The following MAGI2 variants were observed in gnomAD, a reference collection of about 807,000 sequenced individuals.
MAGI2 encodes membrane-associated guanylate kinase, WW and PDZ domain-containing protein 2.
In MAGI2, 35 loss-of-function variants were observed where a neutral mutation model predicts 133.3. That is an observed-to-expected ratio of 0.26 (90% CI 0.20 to 0.35). The LOEUF is 0.35. Among genes scored for constraint, MAGI2 ranks in the 10% least tolerant of loss-of-function variants. MAGI2 has a pLI of 1.00. For synonymous variants in MAGI2, 729 were observed against 710.6 expected, an observed-to-expected ratio of 1.03 and a Z score of -0.41; for missense variants, 1,636 against 1,863.4, an observed-to-expected ratio of 0.88 and a Z score of 2.25.
chr7:79,416,714 C>CTTTT (rs1434721644), intron 1 of MAGI2, among the ~76,000 whole-genome samples: 2 of 111,860 alleles, frequency 1.8e-5, no homozygotes, highest in East Asian at 6.0e-4. Context: ...TTTTTCTTTT[C>CTTTT]TTTTCTTTTT....
chr7:78,309,979 T>C (rs760019082), intron 9 of MAGI2, among the ~76,000 whole-genome samples: 18 of 152,186 alleles, frequency 1.2e-4, no homozygotes, highest in Admixed American at 2.0e-4. Flanking sequence ...GGTAGCAACA[T>C]TGGCCCTTTT....
At chr7:78,899,123 CAT>C (rs537043532) in intron 2 of MAGI2, among the ~76,000 whole-genome samples, 11 of 152,182 alleles carry the variant, frequency 7.2e-5, no homozygotes, top group South Asian at 4.1e-4. Context: ...GAAGATTTCA[CAT>C]TTAAAACAGA....
chr7:78,462,317 G>C (rs1011716687), intron 6 of MAGI2, among the ~76,000 whole-genome samples: 3 of 152,122 alleles, frequency 2.0e-5, no homozygotes, highest in Admixed American at 2.0e-4. Context: ...AGGTGGCAAA[G>C]GTGCATTCAG....
chr7:78,072,092 G>A (rs79137800), intron 21 of MAGI2, among the ~76,000 whole-genome samples: 6,511 of 152,248 alleles, frequency 0.043, 189 homozygotes, highest in South Asian at 0.076. Context: ...GGGGAAGAGT[G>A]AATTTGATAG....
rs978516567 is a variant in MAGI2, at chr7:78,017,458, C to G, written c.*1857G>C. ...AAAATAAAGTCAGAGGATACAGTAC[C>G]AGGACGTGCAGCTACACTACAGAAG... On this transcript the variant is annotated 3_prime_UTR_variant, in exon 22 of 22. Coordinates refer to ENST00000354212, the MANE Select transcript of MAGI2 (RefSeq NM_012301.4). 2.6e-5 allele frequency: 4 copies of G among 152,354 alleles called. No individual in the cohort carries two copies. Among genetic ancestry groups the G allele is most frequent in the Non-Finnish European group, 4.4e-5 (3 of 68,012 alleles). 9.4% of individuals were successfully genotyped at this position (152,354 alleles called of 1,614,324 possible). A position where few individuals can be genotyped will look rare whatever the true frequency, so the allele number is the denominator to read the frequency against.
At chr7:78,565,932 T>G (rs1800897043) in intron 3 of MAGI2, among the ~76,000 whole-genome samples, 1 of 152,160 alleles carries the variant, frequency 6.6e-6, no homozygotes, top group African/African-American at 2.4e-5. Flanking sequence ...GGGTAGATCA[T>G]TAAACCTCCC....
chr7:78,852,259 T>C (rs886386209), intron 2 of MAGI2, among the ~76,000 whole-genome samples: 6 of 152,124 alleles, frequency 3.9e-5, no homozygotes, highest in African/African-American at 1.4e-4. Context: ...ATTGTTTGCT[T>C]TTGTCTTATT....
chr7:78,818,019 C>T (rs1164773283), intron 2 of MAGI2, among the ~76,000 whole-genome samples: 6 of 152,102 alleles, frequency 3.9e-5, no homozygotes, highest in Non-Finnish European at 8.8e-5. Context: ...TGGAACTGAA[C>T]TCATATTATC....
At chr7:78,452,390 C>A (rs1412844017) in intron 6 of MAGI2, among the ~76,000 whole-genome samples, 2 of 151,876 alleles carry the variant, frequency 1.3e-5, no homozygotes, top group Non-Finnish European at 2.9e-5. Context: ...AACTGTGGAG[C>A]ACAGTATGAA....
rs184592617 is a variant in MAGI2, at chr7:78,253,663, G to A, written c.2047+2280C>T. On this transcript the variant is annotated intron_variant, in intron 10 of 21. Transcript: ENST00000354212. ...CATACAAACAATATATTTGCTTCTG[G>A]GAGAAAGGACTGAAAGTCTGGGATA... 3.9e-5 allele frequency: 6 copies of A among 152,206 alleles called. No homozygotes were observed. The East Asian group carries it at 1.2e-3, about 29-fold the overall frequency. 9.4% of individuals were successfully genotyped at this position (152,206 alleles called of 1,614,324 possible). A position where few individuals can be genotyped will look rare whatever the true frequency, so the allele number is the denominator to read the frequency against.
chr7:78,328,401 A>G (rs957664478), intron 9 of MAGI2, among the ~76,000 whole-genome samples: 1 of 151,814 alleles, frequency 6.6e-6, no homozygotes, highest in East Asian at 1.9e-4. Flanking sequence ...AATATATAGG[A>G]TATATTTAAG....
rs544120793 is a variant in MAGI2, at chr7:78,798,991, A to G, written c.419-171752T>C. Reference sequence around the variant, plus strand: ...CATAAATGATGCTATTACAACAGGAATTTCTATGTTTCATTGATGACTGCC... The same window carrying G: ...CATAAATGATGCTATTACAACAGGAGTTTCTATGTTTCATTGATGACTGCC... On this transcript the variant is annotated intron_variant, in intron 2 of 21. Coordinates refer to ENST00000354212, the MANE Select transcript of MAGI2 (RefSeq NM_012301.4). 1.1e-3 allele frequency among the ~76,000 whole-genome samples: 160 copies of G among 152,272 alleles called. 1 individual carries two copies. The highest frequency in any genetic ancestry group is 3.7e-3 in the African/African-American group (154 of 41,566).
intron 1 of MAGI2, among the ~76,000 whole-genome samples, chr7:79,054,487 C>G (rs1156464898): frequency 6.6e-6 from 1 of 152,098 alleles, no homozygotes; most frequent in Non-Finnish European, 1.5e-5. Context: ...TCAAAACAAA[C>G]TTGTTTCCTT....
intron 16 of MAGI2, among the ~76,000 whole-genome samples, chr7:78,154,086 T>C (rs1824150550): frequency 6.6e-6 from 1 of 152,220 alleles, no homozygotes; most frequent in Non-Finnish European, 1.5e-5. Flanking sequence ...TCACTTCTAT[T>C]TCATTTTGAT....
Position 78,133,009 on chromosome 7 carries a change from G to T in MAGI2, c.3083C>A (p.Ala1028Glu). 9 of 1,603,556 alleles carry T rather than the reference G, an allele frequency of 5.6e-6. No homozygotes were observed. Among genetic ancestry groups the T allele is most frequent in the Non-Finnish European group, 7.7e-6 (9 of 1,176,220 alleles). ...CTGCTGTGCCAGGGGACTCTGCTGC[G>T]CCATGGGACTCTGCTTCTCTGAGCT... is the stretch of plus-strand genomic sequence containing the variant. Reference protein sequence around the residue: ...APSSEKQSPMAQQSPLAQQSP... With the variant: ...APSSEKQSPMEQQSPLAQQSP... The change falls in exon 18 of 22, where the codon GCG becomes GAG. Residue 1028 changes from alanine (A) to glutamate (E), a missense_variant. Transcript: ENST00000354212.
At chr7:79,066,600 C>A (rs1432956330) in intron 1 of MAGI2, among the ~76,000 whole-genome samples, 1 of 152,074 alleles carries the variant, frequency 6.6e-6, no homozygotes, top group Non-Finnish European at 1.5e-5. Context: ...TGTGCAGAAG[C>A]TCTTTAGTTT....
intron 9 of MAGI2, among the ~76,000 whole-genome samples, chr7:78,279,066 TAACATATC>T (rs1464773759): frequency 6.6e-6 from 1 of 152,192 alleles, no homozygotes; most frequent in African/African-American, 2.4e-5. Context: ...AGAAGGATTT[TAACATATC>T]AGAACTGGTT....
chr7:78,262,873 A>G (rs1793644063), intron 9 of MAGI2, among the ~76,000 whole-genome samples: 1 of 152,130 alleles, frequency 6.6e-6, no homozygotes, highest in African/African-American at 2.4e-5. Context: ...GGTTTGTTAC[A>G]TGGGTATACT....
intron 3 of MAGI2, among the ~76,000 whole-genome samples, chr7:78,591,455 G>A (rs1008524568): frequency 3.9e-5 from 6 of 152,202 alleles, no homozygotes; most frequent in African/African-American, 1.4e-4. Context: ...GGAGGTGCGG[G>A]GAGTACTCTA....
Sources: gnomAD v4.1 joint callset for allele counts (sites outside exome capture counted in the v4.1 genomes callset) on GRCh38, gnomAD v4.1.1 for gene constraint, MANE v1.5 for transcripts, NCBI Gene and HGNC (gene_info 2026-07-23, HGNC 2026-07-21) for gene names.